The following MMP16 variants were observed in gnomAD, a reference collection of about 807,000 sequenced individuals.
MMP16 encodes the protein matrix metallopeptidase 16.
MMP16 carries 12 observed loss-of-function variants against 67.8 expected under a neutral mutation model. The observed-to-expected ratio is 0.18, with a 90% confidence interval of 0.11 to 0.29. The LOEUF (loss-of-function observed/expected upper bound fraction) is 0.29. MMP16 is among the 10% of genes least tolerant of loss of function. MMP16 has a pLI of 1.00. For synonymous variants in MMP16, 249 were observed against 255.9 expected, an observed-to-expected ratio of 0.97 and a Z score of 0.26; for missense variants, 475 against 765.7, an observed-to-expected ratio of 0.62 and a Z score of 4.48.
At position 88,291,512 on chromosome 8, in the gene MMP16, C is replaced by T. The variant is rs147956697; in HGVS notation, c.132+35563G>A. ...TGGACAGATATTTCAAAACTTCAGTCTAATGATCATTGTTCACTCTCTGCT... is the reference window on the plus strand; with the variant it reads ...TGGACAGATATTTCAAAACTTCAGTTTAATGATCATTGTTCACTCTCTGCT... On this transcript the variant is annotated intron_variant, in intron 1 of 9. Coordinates refer to ENST00000286614, the MANE Select transcript of MMP16 (RefSeq NM_005941.5). Among the ~76,000 whole-genome samples, 4 of 152,212 alleles carry T rather than the reference C, an allele frequency of 2.6e-5. No individual in the cohort carries two copies. The East Asian group carries it at 7.8e-4, about 29-fold the overall frequency.
In MMP16 at chr8:88,039,874, G is replaced by A. The variant is rs1254557623; in HGVS notation, c.*1587C>T. On this transcript the variant is annotated 3_prime_UTR_variant, in exon 10 of 10. Transcript: ENST00000286614. This position sits in a 1 kb window ranked among gnomAD's most constrained non-coding sequence, Gnocchi z 4.5. ...GTCACATGAAAATGACAATACTGCT[G>A]TTAGGACAAATTACACTCAACAATG... The A allele has an allele frequency of 1.3e-5, 2 of 152,634 alleles. No individual in the cohort carries two copies. Among genetic ancestry groups the A allele is most frequent in the Admixed American group, 6.6e-5 (1 of 15,262 alleles). The allele number at this position is 152,634 out of a possible 1,614,324, so 9.5% of individuals were successfully genotyped here.
intron 1 of MMP16, among the ~76,000 whole-genome samples, chr8:88,224,756 T>C (rs532142424): frequency 5.3e-5 from 8 of 152,124 alleles, no homozygotes; most frequent in African/African-American, 1.9e-4. Context: ...TAGTCAAATA[T>C]AGGTGGTAAA....
rs544305693 is a variant in MMP16 at position 88,037,540 on chromosome 8, G to T, written c.*3921C>A. On this transcript the variant is annotated 3_prime_UTR_variant, in exon 10 of 10. Coordinates refer to ENST00000286614, the MANE Select transcript of MMP16 (RefSeq NM_005941.5). Reference sequence around the variant, plus strand: ...TTTATAACAGAAGTTGTCTTTGCTAGTATCACATAATGCTGTCTAATTTAG... The same window carrying T: ...TTTATAACAGAAGTTGTCTTTGCTATTATCACATAATGCTGTCTAATTTAG... 2.5e-4 allele frequency: 38 copies of T among 151,968 alleles called. No homozygotes were observed. In the South Asian group the frequency reaches 7.7e-3, roughly 31 times the overall value. 9.4% of individuals were successfully genotyped at this position (151,968 alleles called of 1,614,324 possible).
Position 88,041,268 on chromosome 8 carries a change from C to G in MMP16, c.*193G>C. 1 of 581,334 alleles carries G rather than the reference C, an allele frequency of 1.7e-6. No homozygotes were observed. Among genetic ancestry groups the G allele is most frequent in the Non-Finnish European group, 3.1e-6 (1 of 326,850 alleles). 36.0% of individuals were successfully genotyped at this position (581,334 alleles called of 1,614,324 possible). A position where few individuals can be genotyped will look rare whatever the true frequency, so the allele number is the denominator to read the frequency against. ...GGACTGAAGAACAGCAGATACTGTG[C>G]ATCATGGAAGCTTCCCCATGAGTGT... On this transcript the variant is annotated 3_prime_UTR_variant, in exon 10 of 10. Coordinates refer to ENST00000286614, the MANE Select transcript of MMP16 (RefSeq NM_005941.5). The surrounding 1 kb of genome is among the most constrained non-coding windows in gnomAD (Gnocchi z 6.0).
intron 4 of MMP16, among the ~76,000 whole-genome samples, chr8:88,120,881 C>G (rs1807818871): frequency 6.6e-6 from 1 of 151,920 alleles, no homozygotes; most frequent in African/African-American, 2.4e-5. Context: ...TCATCCCCTC[C>G]TCCTTGCATA....
intron 1 of MMP16, among the ~76,000 whole-genome samples, chr8:88,289,330 T>C (rs911636999): frequency 6.6e-6 from 1 of 152,116 alleles, no homozygotes; most frequent in Non-Finnish European, 1.5e-5. Flanking sequence ...ATTTTCTACA[T>C]TGTATATTGG....
In MMP16 at chr8:88,327,325, G is replaced by GT. The variant is rs1322573380; in HGVS notation, c.-120dup. On this transcript the variant is annotated 5_prime_UTR_variant, in exon 1 of 10. Coordinates refer to ENST00000286614, the MANE Select transcript of MMP16 (RefSeq NM_005941.5). ...CTCCGGGTGGGTAAGGAGCCTGCAG[G>GT]TTCACCCACAGCCGGGCAAGGGGAG... The GT allele has an allele frequency of 1.3e-5, 18 of 1,380,864 alleles. No individual in the cohort carries two copies. The highest frequency in any genetic ancestry group is 6.3e-5 in the South Asian group (5 of 79,036). The allele number at this position is 1,380,864 out of a possible 1,614,324, so 85.5% of individuals were successfully genotyped here. A position where few individuals can be genotyped will look rare whatever the true frequency, so the allele number is the denominator to read the frequency against.
chr8:88,185,435 G>C (rs916914741), intron 3 of MMP16, among the ~76,000 whole-genome samples: 4 of 151,958 alleles, frequency 2.6e-5, no homozygotes, highest in African/African-American at 4.8e-5. Flanking sequence ...CTCCAACCTG[G>C]GTGATGGAAA....
chr8:88,051,332 CA>C (rs528034060), intron 8 of MMP16, among the ~76,000 whole-genome samples: 154 of 152,220 alleles, frequency 1.0e-3, no homozygotes, highest in African/African-American at 3.7e-3. Context: ...ACACTGTGTA[CA>C]TCAACCATTT....
At chr8:88,171,824 T>C (rs1235445368) in intron 3 of MMP16, among the ~76,000 whole-genome samples, 9 of 150,962 alleles carry the variant, frequency 6.0e-5, no homozygotes, top group African/African-American at 2.0e-4. Context: ...TTCAATGATA[T>C]GATGCATTTT....
chr8:88,259,352 T>A (rs1488607905), intron 1 of MMP16, among the ~76,000 whole-genome samples: 1 of 152,202 alleles, frequency 6.6e-6, no homozygotes, highest in Non-Finnish European at 1.5e-5. Flanking sequence ...CAAAGCTCAC[T>A]AGAGTATTAG....
chr8:88,272,272 C>G (rs1810575873), intron 1 of MMP16, among the ~76,000 whole-genome samples: 1 of 152,232 alleles, frequency 6.6e-6, no homozygotes, highest in East Asian at 1.9e-4. Context: ...GCAATATCAT[C>G]AAGATCATCA....
At chr8:88,105,926 T>C (rs192520849) in intron 6 of MMP16, among the ~76,000 whole-genome samples, 1 of 151,082 alleles carries the variant, frequency 6.6e-6, no homozygotes. Context: ...CATCCAGAGG[T>C]AACTGTTCTT....
intron 1 of MMP16, among the ~76,000 whole-genome samples, chr8:88,288,178 C>T (rs1471940778): frequency 6.6e-6 from 1 of 152,174 alleles, no homozygotes; most frequent in East Asian, 1.9e-4. Context: ...ACATAATACA[C>T]TCCAACAGTT....
intron 1 of MMP16, among the ~76,000 whole-genome samples, chr8:88,210,160 C>T (rs1321017692): frequency 2.0e-5 from 3 of 152,232 alleles, no homozygotes; most frequent in Admixed American, 2.0e-4. Context: ...TCTTTAAATG[C>T]CACCCAGTCT....
At chr8:88,134,002 A>C (rs991661985) in intron 4 of MMP16, among the ~76,000 whole-genome samples, 10 of 151,844 alleles carry the variant, frequency 6.6e-5, no homozygotes, top group Non-Finnish European at 1.3e-4. Flanking sequence ...GGAATGTAAA[A>C]ACAAAGAAAA....
At chr8:88,207,110 G>A (rs1181046988) in intron 1 of MMP16, among the ~76,000 whole-genome samples, 1 of 152,052 alleles carries the variant, frequency 6.6e-6, no homozygotes, top group African/African-American at 2.4e-5. Flanking sequence ...AACATATGTG[G>A]TAACTCATCT....
intron 1 of MMP16, among the ~76,000 whole-genome samples, chr8:88,274,314 A>C (rs1184764517): frequency 6.6e-6 from 1 of 152,136 alleles, no homozygotes; most frequent in Non-Finnish European, 1.5e-5. Flanking sequence ...CTTCTAAGGG[A>C]GGGATTATAA....
At chr8:88,076,407 C>T (rs2118288588) in intron 6 of MMP16, among the ~76,000 whole-genome samples, 1 of 152,164 alleles carries the variant, frequency 6.6e-6, no homozygotes, top group African/African-American at 2.4e-5. Context: ...ACAGTTTTGT[C>T]TCTTGTTCAT....
Sources: gnomAD v4.1 joint callset for allele counts (sites outside exome capture counted in the v4.1 genomes callset) on GRCh38, gnomAD v4.1.1 for gene constraint, Gnocchi (gnomAD v3.1) non-coding constraint, MANE v1.5 for transcripts, NCBI Gene and HGNC (gene_info 2026-07-23, HGNC 2026-07-21) for gene names.